FRMPD4: variants seen among roughly 807,000 people sequenced by gnomAD.
The protein encoded by FRMPD4 is FERM and PDZ domain-containing protein 4.
FRMPD4 carries 22 observed loss-of-function variants against 94.1 expected under a neutral mutation model. The observed-to-expected ratio is 0.23, with a 90% CI of 0.17 to 0.33. FRMPD4 has a LOEUF of 0.33. FRMPD4 is among the 10% of genes least tolerant of loss of function. FRMPD4 has a pLI of 1.00. For missense variants in FRMPD4, 1,111 were observed against 1,339.9 expected, an observed-to-expected ratio of 0.83 and a Z score of 2.67; for synonymous variants, 631 against 548.6, an observed-to-expected ratio of 1.15 and a Z score of -2.10.
At chrX:12,702,415 G>A (rs1216832358) in intron 10 of FRMPD4, among the ~76,000 whole-genome samples, 1 of 111,586 alleles carries the variant, frequency 9.0e-6, no homozygotes, top group Non-Finnish European at 1.9e-5. Flanking sequence ...GGCTATTAAC[G>A]CGGGGATATA....
chrX:12,526,833 ATGT>A (rs1435391465), intron 2 of FRMPD4, among the ~76,000 whole-genome samples: 10 of 112,544 alleles, frequency 8.9e-5, no homozygotes, highest in Non-Finnish European at 1.9e-4. Context: ...CTTTAAAATA[ATGT>A]TGTCTTATAC....
At chrX:12,245,155 G>A (rs777500016) in intron 1 of FRMPD4, among the ~76,000 whole-genome samples, 72 of 111,914 alleles carry the variant, frequency 6.4e-4, no homozygotes, top group African/African-American at 2.3e-3. Context: ...GTTGAGGGTG[G>A]GCCTGCAGGA....
intron 4 of FRMPD4, among the ~76,000 whole-genome samples, chrX:12,625,602 G>A (rs1283615116): frequency 8.9e-6 from 1 of 111,842 alleles, no homozygotes; most frequent in African/African-American, 3.2e-5. Context: ...TCAGGAAGAT[G>A]GAGAGTACAT....
chrX:12,588,846 G>A (rs1364972745), intron 2 of FRMPD4, among the ~76,000 whole-genome samples: 1 of 105,402 alleles, frequency 9.5e-6, no homozygotes, highest in East Asian at 2.8e-4. Context: ...ATAAACACAT[G>A]CACACACATA....
intron 1 of FRMPD4, among the ~76,000 whole-genome samples, chrX:12,305,640 C>T (rs2054924004): frequency 9.4e-6 from 1 of 106,597 alleles, no homozygotes; most frequent in Admixed American, 1.0e-4. Flanking sequence ...TCTCTGCAGC[C>T]TCTAATCACT....
At chrX:12,647,530 A>G (rs2059559064) in intron 4 of FRMPD4, among the ~76,000 whole-genome samples, 1 of 111,802 alleles carries the variant, frequency 8.9e-6, no homozygotes, top group African/African-American at 3.3e-5. Context: ...GGTGGACTTT[A>G]GCAGCCAGAG....
chrX:12,712,387 A>G (rs1265757326), intron 14 of FRMPD4, among the ~76,000 whole-genome samples: 1 of 110,953 alleles, frequency 9.0e-6, no homozygotes, highest in Non-Finnish European at 1.9e-5. Context: ...CGTCTCTACA[A>G]AAAATATAAA....
rs894479251 is a variant in FRMPD4, at chrX:12,278,601, C to T, written c.41+139589C>T. 4.7e-4 allele frequency among the ~76,000 whole-genome samples: 53 copies of T among 112,403 alleles called. 1 individual carries two copies. Among genetic ancestry groups the T allele is most frequent in the African/African-American group, 1.7e-3 (52 of 30,904 alleles). On this transcript the variant is annotated intron_variant, in intron 1 of 16. Coordinates refer to ENST00000675598, the MANE Select transcript of FRMPD4 (RefSeq NM_001368397.1). ...GAGGGAAGGGCAAGATAGGGGAGGA[C>T]TTTAAGATGTCTTGGGTTTTCTATT...
intron 1 of FRMPD4, among the ~76,000 whole-genome samples, chrX:12,296,144 G>A (rs1274483619): frequency 3.6e-5 from 4 of 111,015 alleles, no homozygotes; most frequent in African/African-American, 1.3e-4. Context: ...CCTGGGGAAC[G>A]TGACCATCCC....
At chrX:12,609,116 G>A (rs1459782042) in intron 2 of FRMPD4, among the ~76,000 whole-genome samples, 2 of 112,240 alleles carry the variant, frequency 1.8e-5, no homozygotes, top group South Asian at 3.7e-4. Context: ...TCATAGGGAA[G>A]AGAAAATATA....
At chrX:12,093,438 C>A (rs767963276) in intron 3 of FRMPD4, among the ~76,000 whole-genome samples, 2 of 110,108 alleles carry the variant, frequency 1.8e-5, no homozygotes, top group African/African-American at 6.6e-5. Flanking sequence ...TGTCTTTATC[C>A]AAATCTCAAG....
Position 12,326,287 on chromosome X carries a change from G to A in FRMPD4, c.42-172393G>A, listed in dbSNP as rs139491818. ...TTTAGATCCCTCTGGTGATATTTAA[G>A]CTTCCTGGACTGTGCAGAGAGACTC... On this transcript the variant is annotated intron_variant, in intron 1 of 16. Transcript: ENST00000675598. Among the ~76,000 whole-genome samples the A allele has an allele frequency of 3.7e-3, 409 of 112,014 alleles. 9 individuals are homozygous for A. The East Asian group carries it at 0.069, about 19-fold the overall frequency.
chrX:12,533,117 T>C (rs1301153747), intron 2 of FRMPD4, among the ~76,000 whole-genome samples: 1 of 111,061 alleles, frequency 9.0e-6, no homozygotes, highest in East Asian at 2.8e-4. Context: ...AGAGACCCAG[T>C]GGGAGGTAAA....
intron 4 of FRMPD4, among the ~76,000 whole-genome samples, chrX:12,668,482 C>CA (rs1384758504): frequency 9.0e-6 from 1 of 110,599 alleles, no homozygotes; most frequent in African/African-American, 3.3e-5. Context: ...ATATAATCAA[C>CA]ATATTTTGAA....
intron 3 of FRMPD4, among the ~76,000 whole-genome samples, chrX:11,989,109 A>G: frequency 8.9e-6 from 1 of 112,098 alleles, no homozygotes; most frequent in Non-Finnish European, 1.9e-5. Context: ...TACTGGGTAT[A>G]TACCCAAAAG....
chrX:12,043,821 AT>A lies in FRMPD4; in HGVS notation c.95+165812del, dbSNP rs917337860. Among the ~76,000 whole-genome samples, 299 of 110,036 alleles carry A rather than the reference AT, an allele frequency of 2.7e-3. 1 individual carries two copies. Among genetic ancestry groups the A allele is most frequent in the Middle Eastern group, 0.014 (3 of 213 alleles). ...TATCATAGTCTTATTTAGCAAAATT[AT>A]TTTTTTTTCACTGCATGTTATTCTC... On this transcript the variant is annotated intron_variant, in intron 3 of 18. Transcript: ENST00000640291.
intron 4 of FRMPD4, among the ~76,000 whole-genome samples, chrX:12,673,756 T>C (rs1305601483): frequency 1.8e-5 from 2 of 111,547 alleles, no homozygotes; most frequent in Admixed American, 1.9e-4. Flanking sequence ...AGCACCATCA[T>C]CCTAAGTGTT....
chrX:11,873,747 G>T (rs1409059943), intron 2 of FRMPD4, among the ~76,000 whole-genome samples: 3 of 108,930 alleles, frequency 2.8e-5, no homozygotes, highest in Non-Finnish European at 3.8e-5. Flanking sequence ...CAAGCTAATT[G>T]TAAAATTTAT....
intron 1 of FRMPD4, among the ~76,000 whole-genome samples, chrX:12,361,145 C>T (rs1249570140): frequency 9.0e-6 from 1 of 111,514 alleles, no homozygotes; most frequent in Non-Finnish European, 1.9e-5. Context: ...AGTTTAATGG[C>T]CTTATCTTAC....
Sources: allele counts gnomAD v4.1 joint callset (sites outside exome capture counted in the v4.1 genomes callset), GRCh38; gene constraint gnomAD v4.1.1; transcripts MANE v1.5; gene names NCBI Gene and HGNC (gene_info 2026-07-23, HGNC 2026-07-21).